IPO5: variants seen among roughly 807,000 people sequenced by gnomAD.
IPO5 encodes importin-5.
A neutral mutation model predicts 143.3 loss-of-function variants in IPO5; 18 were observed. The observed-to-expected ratio is 0.13, with a 90% CI of 0.09 to 0.19. The LOEUF (loss-of-function observed/expected upper bound fraction) is 0.19. IPO5 is among the 10% of genes least tolerant of loss of function. IPO5 has a pLI of 1.00. For synonymous variants in IPO5, 477 were observed against 465.7 expected (o/e 1.02, Z -0.31); for missense variants, 1,013 against 1,336.9 (o/e 0.76, Z 3.78).
intron 2 of IPO5, among the ~76,000 whole-genome samples, chr13:97,956,757 C>T (rs1884491326): frequency 6.6e-6 from 1 of 152,284 alleles, no homozygotes; most frequent in East Asian, 1.9e-4. Context: ...TTCACACAAG[C>T]CAAGTGATTT....
intron 18 of IPO5, among the ~76,000 whole-genome samples, chr13:98,008,969 A>G (rs889004764): frequency 2.0e-5 from 3 of 152,222 alleles, no homozygotes; most frequent in African/African-American, 7.2e-5. Flanking sequence ...GCAAAATGAT[A>G]TGCAAATATA....
At chr13:97,982,462 T>C in intron 4 of IPO5, 41 bp from the exon 5 acceptor site, 1 of 1,333,412 alleles carries the variant, frequency 7.5e-7, no homozygotes, top group Non-Finnish European at 1.1e-6. Context: ...TCATGAAGTT[T>C]CCTAACATTC....
chr13:98,006,256 G>C lies in IPO5; in HGVS notation c.1624G>C (p.Val542Leu), dbSNP rs1889231226. Reference protein sequence around the residue: ...DLFMPSLKHIVENAVQKELRL... With the variant: ...DLFMPSLKHILENAVQKELRL... ...ATTTATGCCATCACTGAAGCACATCGTTGAGAATGCGGTTCAAAAAGAACT... is the reference window on the plus strand; with the variant it reads ...ATTTATGCCATCACTGAAGCACATCCTTGAGAATGCGGTTCAAAAAGAACT... The change falls in exon 17 of 29, where the codon GTT (valine) becomes CTT (leucine). Residue 542 changes from valine to leucine, a missense_variant. By Grantham distance (32) the Val-to-Leu change is conservative. This residue lies in a region of IPO5 where 685 missense variants were observed against 994.9 expected (regional missense o/e 0.69). Transcript: ENST00000651721. 6.2e-7 allele frequency: 1 copy of C among 1,609,358 alleles called. No homozygotes were observed. Among genetic ancestry groups the C allele is most frequent in the Admixed American group, 1.7e-5 (1 of 59,708 alleles).
At chr13:98,019,503 C>A in intron 26 of IPO5, 78 bp from the exon 27 acceptor site, 1 of 981,802 alleles carries the variant, frequency 1.0e-6, no homozygotes, top group Non-Finnish European at 1.6e-6. Context: ...AATATCTGAA[C>A]CAAATACAAA....
In IPO5 at chr13:98,019,634, GAAAATGTCAATGCTAC is replaced by G; in HGVS notation, c.2892_2907del (p.Asn965ArgfsTer7). Reference sequence around the variant, plus strand: ...TCAGTCTGCGGATTCTAAGACCAAAGAAAATGTCAATGCTACAGAGAACTGCATCTCAGCAGTAGGG... The same window carrying G: ...TCAGTCTGCGGATTCTAAGACCAAAGAGAGAACTGCATCTCAGCAGTAGGG... On this transcript the variant is annotated frameshift_variant, in exon 27 of 29. Coordinates refer to ENST00000651721, the MANE Select transcript of IPO5 (RefSeq NM_002271.6). LOFTEE classifies it high-confidence loss of function. The G allele has an allele frequency of 6.2e-7, 1 of 1,614,168 alleles. No individual in the cohort carries two copies. Among genetic ancestry groups the G allele is most frequent in the Middle Eastern group, 1.6e-4 (1 of 6,062 alleles).
chr13:97,995,155 C>G (rs1352788767), intron 11 of IPO5, among the ~76,000 whole-genome samples: 1 of 139,646 alleles, frequency 7.2e-6, no homozygotes, highest in Non-Finnish European at 1.6e-5. Flanking sequence ...TCTGGGATAT[C>G]TTTCTTTCAT....
At chr13:98,010,528 T>C (rs1319162390) in intron 20 of IPO5, among the ~76,000 whole-genome samples, 3 of 152,100 alleles carry the variant, frequency 2.0e-5, no homozygotes, top group Admixed American at 2.0e-4. Context: ...AGGATTTTTG[T>C]TGGTTTTGTT....
intron 27 of IPO5, 143 bp downstream of exon 27, chr13:98,019,952 A>G (rs1890368660): frequency 1.7e-6 from 1 of 572,168 alleles, no homozygotes; most frequent in Non-Finnish European, 3.1e-6. Flanking sequence ...TGCTGTCTTT[A>G]TAAATCATAT....
At chr13:98,012,756 A>G (rs1323478776) in intron 21 of IPO5, among the ~76,000 whole-genome samples, 1 of 150,894 alleles carries the variant, frequency 6.6e-6, no homozygotes, top group Non-Finnish European at 1.5e-5. Context: ...CAACTTCCCA[A>G]GTAGCTGGGA....
chr13:97,970,586 A>G (rs1885738143), intron 3 of IPO5, among the ~76,000 whole-genome samples: 1 of 152,056 alleles, frequency 6.6e-6, no homozygotes, highest in South Asian at 2.1e-4. Flanking sequence ...GTGCCACTGC[A>G]CTCCAGCCTG....
chr13:97,981,136 A>G (rs866011777), intron 4 of IPO5: 2 of 370,528 alleles, frequency 5.4e-6, no homozygotes, highest in Middle Eastern at 7.4e-4. Context: ...TTTTTGGCAC[A>G]GTTTTCAGCA....
chr13:97,980,269 G>C (rs1195453352), intron 4 of IPO5, among the ~76,000 whole-genome samples: 5 of 152,128 alleles, frequency 3.3e-5, no homozygotes, highest in Admixed American at 2.6e-4. Flanking sequence ...TGATGGTATT[G>C]ATGTAATACT....
At chr13:98,010,866 C>T (rs1324551332) in intron 20 of IPO5, among the ~76,000 whole-genome samples, 1 of 141,854 alleles carries the variant, frequency 7.0e-6, no homozygotes, top group Non-Finnish European at 1.5e-5. Flanking sequence ...CTGCAACCTC[C>T]ACCTCTGGCG....
chr13:97,974,709 A>G (rs12873933), intron 3 of IPO5, among the ~76,000 whole-genome samples: 1 of 152,166 alleles, frequency 6.6e-6, no homozygotes, highest in East Asian at 1.9e-4. Context: ...TCAAAATCAA[A>G]CAAAAAAAAG....
chr13:97,991,961 A>G (rs767717217), intron 9 of IPO5, among the ~76,000 whole-genome samples: 5 of 152,222 alleles, frequency 3.3e-5, no homozygotes, highest in Non-Finnish European at 7.3e-5. Flanking sequence ...ACCATCAAGA[A>G]ATATCTCCTG....
At chr13:97,984,267 C>G (rs1033768570) in intron 5 of IPO5, among the ~76,000 whole-genome samples, 1 of 151,970 alleles carries the variant, frequency 6.6e-6, no homozygotes, top group African/African-American at 2.4e-5. Context: ...CGTGAGCCAC[C>G]GCGCCCGGCC....
At chr13:98,006,043 T>C (rs1889210582) in intron 16 of IPO5, 87 bp from the exon 17 acceptor site, 1 of 868,004 alleles carries the variant, frequency 1.2e-6, no homozygotes, top group African/African-American at 1.7e-5. Flanking sequence ...CAGAAAAGCA[T>C]TCAAGAACTT....
intron 3 of IPO5, among the ~76,000 whole-genome samples, chr13:97,971,898 T>G (rs984919152): frequency 6.6e-6 from 1 of 152,214 alleles, no homozygotes; most frequent in East Asian, 1.9e-4. Context: ...CACCATACTA[T>G]GTGAATTTAC....
intron 16 of IPO5, among the ~76,000 whole-genome samples, chr13:98,004,202 A>G (rs1343008584): frequency 1.3e-5 from 2 of 152,238 alleles, no homozygotes; most frequent in African/African-American, 4.8e-5. Flanking sequence ...AATGCCCTCA[A>G]TTCCTATACT....
Sources: gnomAD v4.1 joint callset for allele counts (sites outside exome capture counted in the v4.1 genomes callset) on GRCh38, gnomAD v4.1.1 for gene constraint, gnomAD v4.1.1 regional missense constraint, MANE v1.5 for transcripts, NCBI Gene and HGNC (gene_info 2026-07-23, HGNC 2026-07-21) for gene names.